The following PCDHGA6 variants were observed in gnomAD, a reference collection of about 807,000 sequenced individuals.
The protein encoded by PCDHGA6 is protocadherin gamma-A6.
Under a neutral mutation model 60.6 loss-of-function variants are expected in PCDHGA6, and 41 were observed. That is an observed-to-expected ratio of 0.68 (90% CI 0.53 to 0.88). PCDHGA6 has a LOEUF of 0.88. Among genes scored for constraint, PCDHGA6 ranks in the 40% least tolerant of loss-of-function variants. The pLI, the probability that PCDHGA6 is intolerant of heterozygous loss-of-function variation, is 0.00. For missense variants in PCDHGA6, 1,312 were observed against 1,203.0 expected (o/e 1.09, Z -1.34); for synonymous variants, 594 against 524.4 (o/e 1.13, Z -1.81).
chr5:141,491,564 G>A lies in PCDHGA6; in HGVS notation c.2425-3243G>A, dbSNP rs2099721154. On this transcript the variant is annotated intron_variant, in intron 1 of 3. Coordinates refer to ENST00000517434, the MANE Select transcript of PCDHGA6 (RefSeq NM_018919.3). The surrounding 1 kb of genome is among the most constrained non-coding windows in gnomAD (Gnocchi z 6.9). Reference sequence around the variant, plus strand: ...ACAGACTCGCAGAGCCACTGCTACAGGACGTGCTTTTCACCGGCCTCGGAC... The same window carrying A: ...ACAGACTCGCAGAGCCACTGCTACAAGACGTGCTTTTCACCGGCCTCGGAC... The A allele has an allele frequency of 3.1e-6, 5 of 1,613,878 alleles. No individual in the cohort carries two copies. Among genetic ancestry groups the A allele is most frequent in the Non-Finnish European group, 8.5e-7 (1 of 1,180,042 alleles).
At chr5:141,412,198 G>T (rs1248911071) in intron 1 of PCDHGA6, 1 of 152,180 alleles carries the variant, frequency 6.6e-6, no homozygotes, top group African/African-American at 2.4e-5. Flanking sequence ...ATGAAAACAG[G>T]TCATTTGACA....
chr5:141,511,351 C>T lies in PCDHGA6; in HGVS notation c.*178C>T. The T allele has an allele frequency of 3.6e-6, 5 of 1,386,550 alleles. No individual in the cohort carries two copies. Among genetic ancestry groups the T allele is most frequent in the South Asian group, 1.5e-5 (1 of 67,154 alleles). The allele number at this position is 1,386,550 out of a possible 1,614,324, so 85.9% of individuals were successfully genotyped here. On this transcript the variant is annotated 3_prime_UTR_variant, in exon 4 of 4. Transcript: ENST00000517434. ...CCAGTCAGCACCTACCCCTTCCCCC[C>T]CAGGGGGTTGAATATGCAAAAGCAG...
intron 1 of PCDHGA6, chr5:141,399,601 C>T: frequency 6.2e-7 from 1 of 1,613,986 alleles, no homozygotes; most frequent in South Asian, 1.1e-5. Context: ...GGCCAGCGAC[C>T]TAGAGCCTCT....
rs754100940 is a variant in PCDHGA6 at position 141,375,794 on chromosome 5, G to T, written c.1711G>T (p.Gly571Cys). Residue 571 changes from glycine to cysteine, a missense_variant, in exon 1 of 4, where the codon GGT (glycine) becomes TGT (cysteine). By Grantham distance (159) the Gly-to-Cys change is radical. Coordinates refer to ENST00000517434, the MANE Select transcript of PCDHGA6 (RefSeq NM_018919.3). Reference sequence around the variant, plus strand: ...CCTGTACCCCGCCCTCCCCACAGACGGTTCCACTGGCGTGGAGCTGGCGCC... The same window carrying T: ...CCTGTACCCCGCCCTCCCCACAGACTGTTCCACTGGCGTGGAGCTGGCGCC... ...EILYPALPTD[G>C]STGVELAPRS... 1 of 1,614,170 alleles carries T rather than the reference G, an allele frequency of 6.2e-7. No homozygotes were observed. The highest frequency in any genetic ancestry group is 8.5e-7 in the Non-Finnish European group (1 of 1,180,018).
At chr5:141,418,201 A>G (rs2096236241) in intron 1 of PCDHGA6, 1 of 1,614,020 alleles carries the variant, frequency 6.2e-7, no homozygotes, top group Non-Finnish European at 8.5e-7. Flanking sequence ...AAAATCCTTT[A>G]AATATTTTTC....
intron 1 of PCDHGA6, chr5:141,418,974 G>C (rs754074516): frequency 1.0e-4 from 167 of 1,613,818 alleles, no homozygotes; most frequent in Non-Finnish European, 1.4e-4. Flanking sequence ...TTCAAAACAC[G>C]GGACCAAGAC....
chr5:141,444,406 G>A (rs1296878411), intron 1 of PCDHGA6, among the ~76,000 whole-genome samples: 1 of 151,874 alleles, frequency 6.6e-6, no homozygotes, highest in Non-Finnish European at 1.5e-5. Context: ...CCCAACCTCA[G>A]GTGATCTTCC....
At position 141,477,290 on chromosome 5, in the gene PCDHGA6, C is replaced by T; in HGVS notation, c.2425-17517C>T. 5 of 1,614,158 alleles carry T rather than the reference C, an allele frequency of 3.1e-6. No individual in the cohort carries two copies. In the South Asian group the frequency reaches 5.5e-5, roughly 18 times the overall value. On this transcript the variant is annotated intron_variant, in intron 1 of 3. Coordinates refer to ENST00000517434, the MANE Select transcript of PCDHGA6 (RefSeq NM_018919.3). The surrounding 1 kb of genome is among the most constrained non-coding windows in gnomAD (Gnocchi z 4.9). ...GAACGGGCTGGTGACCTGCGAAGTT[C>T]CACCGGGTCTCCCTTTCAGCCTTAC...
chr5:141,390,034 C>A, intron 1 of PCDHGA6: 2 of 1,614,066 alleles, frequency 1.2e-6, no homozygotes, highest in Non-Finnish European at 1.7e-6. Context: ...CGACGCTCCT[C>A]CAGCCCCGCC....
chr5:141,381,979 G>T (rs767842302), intron 1 of PCDHGA6, among the ~76,000 whole-genome samples: 1 of 151,486 alleles, frequency 6.6e-6, no homozygotes, highest in African/African-American at 2.4e-5. Context: ...ACAGGCGCGC[G>T]CCACCACGCC....
chr5:141,374,263 G>A lies in PCDHGA6; in HGVS notation c.180G>A (p.Ala60=). ...TGGGACTGGAGCCCCAGGAGTTGGC[G>A]GAGCACGGAGTCCGCATCGTCTCCA... is the stretch of plus-strand genomic sequence containing the variant. ...KDLGLEPQEL[A]EHGVRIVSRG... The change falls in exon 1 of 4, where the codon GCG becomes GCA. Residue 60 remains alanine (A), a synonymous_variant. Coordinates refer to ENST00000517434, the MANE Select transcript of PCDHGA6 (RefSeq NM_018919.3). 6.2e-7 allele frequency: 1 copy of A among 1,614,016 alleles called. No individual in the cohort carries two copies. Among genetic ancestry groups the A allele is most frequent in the Non-Finnish European group, 8.5e-7 (1 of 1,179,902 alleles).
At chr5:141,496,076 C>A (rs2099765713) in intron 2 of PCDHGA6, among the ~76,000 whole-genome samples, 1 of 152,010 alleles carries the variant, frequency 6.6e-6, no homozygotes, top group Non-Finnish European at 1.5e-5. Context: ...GCACACACAA[C>A]CCCCCACCCA....
At position 141,428,042 on chromosome 5, in the gene PCDHGA6, G is replaced by A; in HGVS notation, c.2424+51535G>A. The A allele has an allele frequency of 1.9e-6, 3 of 1,608,716 alleles. No individual in the cohort carries two copies. The South Asian group carries it at 3.3e-5, about 18-fold the overall frequency. On this transcript the variant is annotated intron_variant, in intron 1 of 3. Transcript: ENST00000517434. ...GCGCCGCAGAGTCCGGCTACCTGGT[G>A]ACCAAGGTGGTGGCGGTGGACGCAG...
chr5:141,421,231 G>T (rs1368484504), intron 1 of PCDHGA6: 1 of 1,590,694 alleles, frequency 6.3e-7, no homozygotes, highest in South Asian at 1.1e-5. Context: ...GCCTGCCATG[G>T]CGAATCGGCT....
chr5:141,433,304 C>T, intron 1 of PCDHGA6: 1 of 932,004 alleles, frequency 1.1e-6, no homozygotes, highest in Non-Finnish European at 1.6e-6. Context: ...AGCAATTATC[C>T]CACCTTTGCC....
intron 1 of PCDHGA6, chr5:141,413,755 A>G: frequency 1.2e-6 from 2 of 1,612,936 alleles, no homozygotes; most frequent in Non-Finnish European, 1.7e-6. Context: ...CAATGGCGTC[A>G]AGTACCCGGA....
rs1311776295 is a variant in PCDHGA6, at chr5:141,487,582, C to G, written c.2425-7225C>G. 1.2e-6 allele frequency: 2 copies of G among 1,614,088 alleles called. No homozygotes were observed. The highest frequency in any genetic ancestry group is 2.7e-5 in the African/African-American group (2 of 74,934). ...TGGCAGGGGAGCCTGTTCGCCCAAG[C>G]TGCCCACCCTCTGATCTTCTCTATG... is the stretch of plus-strand genomic sequence containing the variant. On this transcript the variant is annotated intron_variant, in intron 1 of 3. Transcript: ENST00000517434. The surrounding 1 kb of genome is among the most constrained non-coding windows in gnomAD (Gnocchi z 5.0).
At position 141,431,954 on chromosome 5, in the gene PCDHGA6, G is replaced by A. The variant is rs912037044; in HGVS notation, c.2424+55447G>A. 6.2e-7 allele frequency: 1 copy of A among 1,613,992 alleles called. No individual in the cohort carries two copies. Among genetic ancestry groups the A allele is most frequent in the African/African-American group, 1.3e-5 (1 of 74,896 alleles). ...GCCCTTTAAATTAGAAAAATCTTAC[G>A]GAAATTACTATAGTTTAGTCACAGA... is the stretch of plus-strand genomic sequence containing the variant. On this transcript the variant is annotated intron_variant, in intron 1 of 3. Coordinates refer to ENST00000517434, the MANE Select transcript of PCDHGA6 (RefSeq NM_018919.3). This position sits in a 1 kb window ranked among gnomAD's most constrained non-coding sequence, Gnocchi z 4.8.
chr5:141,458,347 T>A (rs1351687231), intron 1 of PCDHGA6, among the ~76,000 whole-genome samples: 1 of 151,916 alleles, frequency 6.6e-6, no homozygotes, highest in Non-Finnish European at 1.5e-5. Flanking sequence ...AGTGGAGAGT[T>A]TAATAAGCAA....
Sources: gnomAD v4.1 joint callset for allele counts (sites outside exome capture counted in the v4.1 genomes callset) on GRCh38, gnomAD v4.1.1 for gene constraint, Gnocchi (gnomAD v3.1) non-coding constraint, MANE v1.5 for transcripts, NCBI Gene and HGNC (gene_info 2026-07-23, HGNC 2026-07-21) for gene names.